The following PTDSS1 variants were observed in gnomAD, a reference collection of about 807,000 sequenced individuals.
PTDSS1 encodes the protein PSS-1.
A neutral mutation model predicts 70.5 loss-of-function variants in PTDSS1; 45 were observed. That is an observed-to-expected ratio of 0.64 (90% CI 0.50 to 0.82). The LOEUF is 0.82. Ranked by LOEUF, PTDSS1 falls within the 40% of genes least tolerant of loss-of-function variation. The pLI is 0.00. For synonymous variants in PTDSS1, 188 were observed against 203.8 expected, an observed-to-expected ratio of 0.92 and a Z score of 0.66; for missense variants, 417 against 586.1, an observed-to-expected ratio of 0.71 and a Z score of 2.98.
At chr8:96,270,909 A>T (rs1810557301) in intron 1 of PTDSS1, among the ~76,000 whole-genome samples, 1 of 152,240 alleles carries the variant, frequency 6.6e-6, no homozygotes, top group Non-Finnish European at 1.5e-5. Context: ...ACAACCTAAT[A>T]TATTACCCAT....
At chr8:96,275,836 T>G (rs538770742) in intron 2 of PTDSS1, among the ~76,000 whole-genome samples, 2 of 152,342 alleles carry the variant, frequency 1.3e-5, no homozygotes, top group East Asian at 3.9e-4. Context: ...CGTGATCTGC[T>G]GCCTTCTTCT....
chr8:96,329,938 C>T (rs1811489990), intron 10 of PTDSS1, among the ~76,000 whole-genome samples: 1 of 152,216 alleles, frequency 6.6e-6, no homozygotes, highest in South Asian at 2.1e-4. Flanking sequence ...CAAGAAAATG[C>T]ATCCCACCAT....
chr8:96,330,541 A>C, intron 11 of PTDSS1: 1 of 482,598 alleles, frequency 2.1e-6, no homozygotes, highest in Non-Finnish European at 3.8e-6. Context: ...TTGGAGAAAA[A>C]AAGAAAAGTG....
In PTDSS1 at chr8:96,334,994, C is replaced by T. The variant is rs550599356; in HGVS notation, c.*1428C>T. ...TTCTGCAAAAGAATTCCAAGATGAACGGGTTGAATGAATCATGCCAGCCAG... is the reference window on the plus strand; with the variant it reads ...TTCTGCAAAAGAATTCCAAGATGAATGGGTTGAATGAATCATGCCAGCCAG... On this transcript the variant is annotated 3_prime_UTR_variant, in exon 13 of 13. Coordinates refer to ENST00000517309, the MANE Select transcript of PTDSS1 (RefSeq NM_014754.3). The T allele has an allele frequency of 1.3e-5, 2 of 151,814 alleles. No homozygotes were observed. The highest frequency in any genetic ancestry group is 2.4e-5 in the African/African-American group (1 of 41,358). The allele number at this position is 151,814 out of a possible 1,614,324, so 9.4% of individuals were successfully genotyped here.
chr8:96,287,118 G>C lies in PTDSS1; in HGVS notation c.413G>C (p.Arg138Pro), dbSNP rs747493340. The part of the protein sequence containing the change: ...SLMYWLDPNL[R>P]YATREADVME... ...ATGTATTGGCTAGATCCAAATCTTCGATACGCCACAAGGGAAGCAGATGTC... is the reference window on the plus strand; with the variant it reads ...ATGTATTGGCTAGATCCAAATCTTCCATACGCCACAAGGGAAGCAGATGTC... Residue 138 changes from arginine (R) to proline (P), a missense_variant, in exon 4 of 13, where the codon CGA becomes CCA. Around this residue, in one of 3 missense-constraint regions of PTDSS1, gnomAD observed 272 missense variants for 429.5 expected, o/e 0.63. Coordinates refer to ENST00000517309, the MANE Select transcript of PTDSS1 (RefSeq NM_014754.3). The C allele has an allele frequency of 2.5e-6, 4 of 1,614,112 alleles. No individual in the cohort carries two copies. In the South Asian group the frequency reaches 4.4e-5, roughly 18 times the overall value.
chr8:96,327,758 C>A (rs1811458140), intron 10 of PTDSS1, among the ~76,000 whole-genome samples: 1 of 152,180 alleles, frequency 6.6e-6, no homozygotes, highest in South Asian at 2.1e-4. Flanking sequence ...AGAAGCCAAG[C>A]TGGGGTCCTG....
chr8:96,279,456 TA>T lies in PTDSS1; in HGVS notation c.272-4638del, dbSNP rs772460972. Among the ~76,000 whole-genome samples the T allele has an allele frequency of 6.4e-3, 904 of 140,738 alleles. 2 individuals carry two copies. The highest frequency in any genetic ancestry group is 0.011 in the Middle Eastern group (3 of 278). 92.3% of individuals were successfully genotyped at this position (140,738 alleles called of 152,430 possible). A position where few individuals can be genotyped will look rare whatever the true frequency, so the allele number is the denominator to read the frequency against. On this transcript the variant is annotated intron_variant, in intron 2 of 12. Transcript: ENST00000517309. ...CCAAAAGGTCACCATCTTCTAAATT[TA>T]AAAAAAAAAAAAAAGTTCCTTTCTC... is the stretch of plus-strand genomic sequence containing the variant.
intron 10 of PTDSS1, among the ~76,000 whole-genome samples, chr8:96,329,375 C>CT: frequency 6.6e-6 from 1 of 152,330 alleles, no homozygotes; most frequent in Non-Finnish European, 1.5e-5. Context: ...TGCTCTACCG[C>CT]TCACCCTCCC....
chr8:96,268,647 T>C (rs1203540084), intron 1 of PTDSS1, among the ~76,000 whole-genome samples: 2 of 152,048 alleles, frequency 1.3e-5, no homozygotes, highest in Admixed American at 1.3e-4. Context: ...TTTTTTTTTT[T>C]TTTTTTAAAC....
Position 96,284,141 on chromosome 8 carries a change from C to A in PTDSS1, c.304C>A (p.Arg102=). 1 of 1,609,212 alleles carries A rather than the reference C, an allele frequency of 6.2e-7. No homozygotes were observed. Among genetic ancestry groups the A allele is most frequent in the Non-Finnish European group, 8.5e-7 (1 of 1,176,222 alleles). Residue 102 remains arginine (R), a synonymous_variant, in exon 3 of 13, where the codon CGA becomes AGA. Transcript: ENST00000517309. ...CACTCGACCTCATCCAGCCTTATGGCGAATGGTTTTTGGTGAGTTTATATT... is the reference window on the plus strand; with the variant it reads ...CACTCGACCTCATCCAGCCTTATGGAGAATGGTTTTTGGTGAGTTTATATT... ...PFTRPHPALW[R]MVFGLSVLYF... is the part of the protein sequence containing the mutation.
At chr8:96,291,474 T>C (rs1030230826) in intron 4 of PTDSS1, among the ~76,000 whole-genome samples, 21 of 150,086 alleles carry the variant, frequency 1.4e-4, no homozygotes, top group African/African-American at 4.7e-4. Flanking sequence ...TTTTTTGGCA[T>C]AACCACTGAA....
intron 4 of PTDSS1, among the ~76,000 whole-genome samples, chr8:96,288,450 G>A (rs1356714840): frequency 2.0e-5 from 3 of 151,794 alleles, no homozygotes; most frequent in East Asian, 1.9e-4. Context: ...TCAGCCTCCC[G>A]AATAGCTAGG....
chr8:96,287,572 AC>A (rs34000602), intron 4 of PTDSS1, among the ~76,000 whole-genome samples: 25,748 of 151,180 alleles, frequency 0.17, 2,812 homozygotes, highest in South Asian at 0.25. Context: ...TGCCCCCAAC[AC>A]CCCATGTTGT....
intron 1 of PTDSS1, among the ~76,000 whole-genome samples, chr8:96,272,778 T>C (rs1019639456): frequency 2.0e-5 from 3 of 152,196 alleles, no homozygotes; most frequent in Non-Finnish European, 4.4e-5. Flanking sequence ...TGGGAGCTAT[T>C]AATGTTGTCA....
chr8:96,275,845 C>T (rs1453799199), intron 2 of PTDSS1, among the ~76,000 whole-genome samples: 2 of 152,194 alleles, frequency 1.3e-5, no homozygotes, highest in Admixed American at 6.5e-5. Context: ...CTGCCTTCTT[C>T]TTTGTCATCA....
At chr8:96,320,646 C>T (rs1337035357) in intron 10 of PTDSS1, among the ~76,000 whole-genome samples, 1 of 152,196 alleles carries the variant, frequency 6.6e-6, no homozygotes, top group Admixed American at 6.5e-5. Flanking sequence ...TTAGGGACCA[C>T]CATGAAAGGA....
chr8:96,304,497 A>G (rs1811096533), intron 7 of PTDSS1, among the ~76,000 whole-genome samples: 1 of 152,248 alleles, frequency 6.6e-6, no homozygotes, highest in South Asian at 2.1e-4. Context: ...TAGAATGATC[A>G]TTTTCAAGAC....
At chr8:96,285,284 C>G (rs917900168) in intron 3 of PTDSS1, among the ~76,000 whole-genome samples, 26 of 152,146 alleles carry the variant, frequency 1.7e-4, no homozygotes, top group Non-Finnish European at 3.4e-4. Context: ...GCCAAAATGG[C>G]CCACAGCTAG....
chr8:96,263,782 G>T (rs1249597038), intron 1 of PTDSS1, among the ~76,000 whole-genome samples: 3 of 152,214 alleles, frequency 2.0e-5, no homozygotes, highest in Non-Finnish European at 4.4e-5. Flanking sequence ...AAAGGGAATT[G>T]TCTTCTACAC....
Sources: gnomAD v4.1 joint callset for allele counts (sites outside exome capture counted in the v4.1 genomes callset) on GRCh38, gnomAD v4.1.1 for gene constraint, gnomAD v4.1.1 regional missense constraint, MANE v1.5 for transcripts, NCBI Gene and HGNC (gene_info 2026-07-23, HGNC 2026-07-21) for gene names.